PIGX: variants seen among roughly 807,000 people sequenced by gnomAD.
The protein encoded by PIGX is phosphatidylinositol glycan anchor biosynthesis class X.
Under a neutral mutation model 28.7 loss-of-function variants are expected in PIGX, and 24 were observed. The observed-to-expected ratio is 0.84, with a 90% confidence interval of 0.60 to 1.17. PIGX has a LOEUF of 1.17. Among genes scored for constraint, PIGX ranks in the 50% most tolerant of loss-of-function variants. The pLI is 0.00. For missense variants in PIGX, 305 were observed against 317.8 expected (o/e 0.96, Z 0.31); for synonymous variants, 127 against 121.0 (o/e 1.05, Z -0.33).
At chr3:196,712,809 G>C (rs1711885771) in intron 1 of PIGX, 165 bp downstream of exon 1, 12 of 1,104,580 alleles carry the variant, frequency 1.1e-5, no homozygotes, top group Non-Finnish European at 1.3e-5. Flanking sequence ...CCTCCCGTGC[G>C]CTTTGCTCTG....
At chr3:196,727,844 A>G (rs1025235083) in intron 3 of PIGX, 79 bp from the exon 4 acceptor site, 3 of 972,836 alleles carry the variant, frequency 3.1e-6, no homozygotes, top group African/African-American at 3.3e-5. Flanking sequence ...GTATCTGTAT[A>G]TAGTCTTCTG....
chr3:196,716,831 TA>T lies in PIGX; in HGVS notation c.113-18del, dbSNP rs539918082. 15,717 of 1,341,918 alleles carry T rather than the reference TA, an allele frequency of 0.012. 578 individuals are homozygous for T. The Admixed American group carries it at 0.13, about 11-fold the overall frequency. 83.1% of individuals were successfully genotyped at this position (1,341,918 alleles called of 1,614,324 possible). On this transcript the variant is annotated intron_variant, in intron 1 of 5. Coordinates refer to ENST00000392391, the MANE Select transcript of PIGX (RefSeq NM_017861.4). The stretch of plus-strand genomic sequence containing the variant: ...TTATTTTATTCAGTGCTTTTGTTTT[TA>T]AAAAAAAATCGTTTGGTTCTTATAG...
intron 3 of PIGX, among the ~76,000 whole-genome samples, chr3:196,727,012 T>A (rs1712548527): frequency 6.6e-6 from 1 of 152,188 alleles, no homozygotes; most frequent in African/African-American, 2.4e-5. Flanking sequence ...CTGCTGTGAC[T>A]AACTGAAAAG....
intron 1 of PIGX, among the ~76,000 whole-genome samples, 194 bp from the exon 2 acceptor site, chr3:196,716,664 C>T (rs949214401): frequency 6.6e-6 from 1 of 152,058 alleles, no homozygotes; most frequent in Non-Finnish European, 1.5e-5. Flanking sequence ...AGTCACTGTT[C>T]TTAACCACAG....
At chr3:196,732,216 T>TTATATATATATATA (rs1175656364) in intron 5 of PIGX, among the ~76,000 whole-genome samples, 4 of 51,340 alleles carry the variant, frequency 7.8e-5, no homozygotes, top group African/African-American at 1.8e-4. Context: ...TATATATTAT[T>TTATATATATATATA]TATATATATA....
intron 1 of PIGX, among the ~76,000 whole-genome samples, chr3:196,715,679 GT>G (rs1234522559): frequency 6.6e-6 from 1 of 152,142 alleles, no homozygotes; most frequent in Non-Finnish European, 1.5e-5. Flanking sequence ...TTCTGTATGT[GT>G]TTGGGGTTTG....
At chr3:196,728,432 C>T in intron 4 of PIGX, 1 of 589,142 alleles carries the variant, frequency 1.7e-6, no homozygotes, top group Non-Finnish European at 3.0e-6. Context: ...ACCATCCTGA[C>T]TGTTAAATAC....
intron 1 of PIGX, chr3:196,713,057 G>T: frequency 1.0e-6 from 1 of 986,142 alleles, no homozygotes; most frequent in Non-Finnish European, 1.2e-6. Context: ...AGTTGTTCGT[G>T]CAAGTAGTAG....
Position 196,732,239 on chromosome 3 carries a change from TATATATATATA to T in PIGX, c.633+1148_633+1158del, listed in dbSNP as rs1297829505. ...ATTTATATATATATATATATATATA[TATATATATATA>T]TATATATTTTATTTTATTTTATTTT... On this transcript the variant is annotated intron_variant, in intron 5 of 5. Coordinates refer to ENST00000392391, the MANE Select transcript of PIGX (RefSeq NM_017861.4). Among the ~76,000 whole-genome samples the T allele has an allele frequency of 8.6e-4, 57 of 65,924 alleles. 3 individuals carry two copies. The highest frequency in any genetic ancestry group is 3.8e-3 in the African/African-American group (54 of 14,204). 43.2% of individuals were successfully genotyped at this position (65,924 alleles called of 152,430 possible). A position where few individuals can be genotyped will look rare whatever the true frequency, so the allele number is the denominator to read the frequency against.
chr3:196,725,530 C>G (rs1165028889), intron 3 of PIGX, among the ~76,000 whole-genome samples: 1 of 152,116 alleles, frequency 6.6e-6, no homozygotes, highest in Non-Finnish European at 1.5e-5. Flanking sequence ...AGATGCTGGG[C>G]AGGCCAAGGT....
At chr3:196,727,775 A>C in intron 3 of PIGX, 148 bp from the exon 4 acceptor site, 1 of 494,466 alleles carries the variant, frequency 2.0e-6, no homozygotes, top group Non-Finnish European at 3.6e-6. Context: ...TCTCCTTAAA[A>C]TTGAGGATGG....
At position 196,732,243 on chromosome 3, in the gene PIGX, TATA is replaced by T. The variant is rs1385663989; in HGVS notation, c.633+1152_633+1154del. Among the ~76,000 whole-genome samples, 13 of 51,940 alleles carry T rather than the reference TATA, an allele frequency of 2.5e-4. 1 individual carries two copies. The highest frequency in any genetic ancestry group is 8.3e-4 in the African/African-American group (9 of 10,862). 34.1% of individuals were successfully genotyped at this position (51,940 alleles called of 152,430 possible). On this transcript the variant is annotated intron_variant, in intron 5 of 5. Coordinates refer to ENST00000392391, the MANE Select transcript of PIGX (RefSeq NM_017861.4). ...ATATATATATATATATATATATATATATATATATATATATTTTATTTTATTTTA... is the reference window on the plus strand; with the variant it reads ...ATATATATATATATATATATATATATTATATATATATTTTATTTTATTTTA...
intron 1 of PIGX, among the ~76,000 whole-genome samples, chr3:196,713,778 A>G (rs1711952077): frequency 6.7e-6 from 1 of 150,254 alleles, no homozygotes; most frequent in African/African-American, 2.5e-5. Flanking sequence ...CGGAGGTTGC[A>G]GTGAGCCGAG....
intron 5 of PIGX, among the ~76,000 whole-genome samples, chr3:196,732,791 A>T (rs1712867155): frequency 6.6e-6 from 1 of 152,212 alleles, no homozygotes; most frequent in Non-Finnish European, 1.5e-5. Context: ...TTCCCAAGTT[A>T]CGTACATTTT....
In PIGX at chr3:196,733,805, A is replaced by T; in HGVS notation, c.680A>T (p.His227Leu). Residue 227 changes from histidine to leucine, a missense_variant, in exon 6 of 6, where the codon CAT becomes CTT. Transcript: ENST00000392391. This position sits in a 1 kb window ranked among gnomAD's most constrained non-coding sequence, Gnocchi z 4.3. ...CAAGTTCCAGTGGGACTGACTGTAC[A>T]TACCTCTCTAGTATGTTCTGTGACT... 2 of 1,575,714 alleles carry T rather than the reference A, an allele frequency of 1.3e-6. No homozygotes were observed. Among genetic ancestry groups the T allele is most frequent in the Non-Finnish European group, 1.7e-6 (2 of 1,144,886 alleles).
At chr3:196,721,312 T>A in intron 2 of PIGX, 1 of 198,750 alleles carries the variant, frequency 5.0e-6, no homozygotes, top group Non-Finnish European at 1.1e-5. Context: ...TCCAAGTCAC[T>A]GATCTTTTCT....
In PIGX at chr3:196,732,246, A is replaced by AT. The variant is rs1350397933; in HGVS notation, c.633+1155dup. Among the ~76,000 whole-genome samples, 6 of 25,238 alleles carry AT rather than the reference A, an allele frequency of 2.4e-4. 1 individual carries two copies. The highest frequency in any genetic ancestry group is 8.6e-4 in the Admixed American group (2 of 2,330). 16.6% of individuals were successfully genotyped at this position (25,238 alleles called of 152,430 possible). A position where few individuals can be genotyped will look rare whatever the true frequency, so the allele number is the denominator to read the frequency against. ...TATATATATATATATATATATATAT[A>AT]TATATATATATTTTATTTTATTTTA... On this transcript the variant is annotated intron_variant, in intron 5 of 5. Transcript: ENST00000392391.
chr3:196,715,104 A>G lies in PIGX; in HGVS notation c.113-1754A>G, dbSNP rs546702136. ...AATAAATAAATAAATAAATAAAAAT[A>G]AAAAAAGAACAAATAAAAATCTGGA... On this transcript the variant is annotated intron_variant, in intron 1 of 5. Transcript: ENST00000392391. 3.3e-5 allele frequency among the ~76,000 whole-genome samples: 5 copies of G among 152,216 alleles called. No individual in the cohort carries two copies. The East Asian group carries it at 7.7e-4, about 23-fold the overall frequency.
At chr3:196,732,249 TATATATATTTTA>T (rs1712819556) in intron 5 of PIGX, among the ~76,000 whole-genome samples, 7 of 35,600 alleles carry the variant, frequency 2.0e-4, no homozygotes, top group Non-Finnish European at 2.5e-4. Flanking sequence ...TATATATATA[TATATATATTTTA>T]TTTTATTTTA....
Sources: gnomAD v4.1 joint callset for allele counts (sites outside exome capture counted in the v4.1 genomes callset) on GRCh38, gnomAD v4.1.1 for gene constraint, Gnocchi (gnomAD v3.1) non-coding constraint, MANE v1.5 for transcripts, NCBI Gene and HGNC (gene_info 2026-07-23, HGNC 2026-07-21) for gene names.